Variants in WDR47 observed in about 807,000 individuals in gnomAD.
WDR47 encodes WD repeat domain 47.
WDR47 carries 32 observed loss-of-function variants against 97.2 expected under a neutral mutation model. That is an observed-to-expected ratio of 0.33 (90% CI 0.25 to 0.44). WDR47 has a LOEUF of 0.44. WDR47 is among the 20% of genes least tolerant of loss of function. The pLI is 1.00. For synonymous variants in WDR47, 375 were observed against 373.5 expected, an observed-to-expected ratio of 1.00 and a Z score of -0.05; for missense variants, 782 against 1,102.3, an observed-to-expected ratio of 0.71 and a Z score of 4.11.
Position 109,010,914 on chromosome 1 carries a change from A to C in WDR47, c.1130+2T>G. 1 of 1,603,282 alleles carries C rather than the reference A, an allele frequency of 6.2e-7. No homozygotes were observed. The highest frequency in any genetic ancestry group is 8.5e-7 in the Non-Finnish European group (1 of 1,173,092). ...TCCTAATTTTTATAACCAAATGCTT[A>C]CCGCTCAGGGGATTCTTCGTAAATA... is the stretch of plus-strand genomic sequence containing the variant. On this transcript the variant is annotated splice_donor_variant, in intron 5 of 14. Coordinates refer to ENST00000369962, the MANE Select transcript of WDR47 (RefSeq NM_001142551.2). LOFTEE classifies it high-confidence loss of function.
intron 4 of WDR47, among the ~76,000 whole-genome samples, chr1:109,012,572 C>CAAAAAAAAA (rs57237933): frequency 2.4e-4 from 18 of 73,816 alleles, no homozygotes; most frequent in African/African-American, 4.2e-4. Flanking sequence ...GACTCCATCT[C>CAAAAAAAAA]AAAAAAAAAA....
At chr1:109,032,430 C>G (rs1242322745) in intron 1 of WDR47, among the ~76,000 whole-genome samples, 1 of 134,098 alleles carries the variant, frequency 7.5e-6, no homozygotes, top group Non-Finnish European at 1.6e-5. Context: ...ATGGCATGAA[C>G]CCGGGAGGTG....
At chr1:109,019,339 C>T (rs1212640547) in intron 2 of WDR47, among the ~76,000 whole-genome samples, 2 of 147,928 alleles carry the variant, frequency 1.4e-5, no homozygotes, top group African/African-American at 2.5e-5. Flanking sequence ...GCCGAAGTCA[C>T]GCCACTGCAG....
chr1:108,983,168 ATTCT>A (rs1253026492), intron 11 of WDR47, 110 bp downstream of exon 11: 63 of 1,098,534 alleles, frequency 5.7e-5, no homozygotes, highest in Non-Finnish European at 7.1e-5. Context: ...TGAAAAAATT[ATTCT>A]TTAAGATTAT....
rs11397519 is a variant in WDR47, at chr1:108,973,882, C to CA, written c.2617+653dup. 5.1e-4 allele frequency among the ~76,000 whole-genome samples: 75 copies of CA among 148,166 alleles called. 1 individual carries two copies. Among genetic ancestry groups the CA allele is most frequent in the African/African-American group, 1.8e-3 (74 of 40,446 alleles). On this transcript the variant is annotated intron_variant, in intron 14 of 14. Coordinates refer to ENST00000369962, the MANE Select transcript of WDR47 (RefSeq NM_001142551.2). ...TGGGTGAAAGAGTGAGACCCTGCCT[C>CA]AAAAAAAAAAAATCAAAAACTAACA...
chr1:109,006,886 A>G (rs1414804505), intron 5 of WDR47, among the ~76,000 whole-genome samples: 1 of 152,126 alleles, frequency 6.6e-6, no homozygotes, highest in Non-Finnish European at 1.5e-5. Context: ...CTTGTTCACC[A>G]TAGCAGTTCA....
At chr1:109,029,602 G>A (rs971238669) in intron 1 of WDR47, among the ~76,000 whole-genome samples, 3 of 151,670 alleles carry the variant, frequency 2.0e-5, no homozygotes, top group Non-Finnish European at 4.4e-5. Flanking sequence ...AACCTGGGAG[G>A]CAGAGTTTGC....
In WDR47 at chr1:109,011,155, G is replaced by A; in HGVS notation, c.891C>T (p.Ser297=). Residue 297 remains serine, a synonymous_variant, in exon 5 of 15, where the codon TCC becomes TCT. Transcript: ENST00000369962. The stretch of plus-strand genomic sequence containing the variant: ...CAGCTGATTGAGGTCTTCTCATTGG[G>A]GATGATGGATAGGGAGAGAGTTTGC... ...LISKLSPYPS[S]PMRRPQSADA... is the part of the protein sequence containing the mutation. 1.2e-6 allele frequency: 2 copies of A among 1,614,116 alleles called. No individual in the cohort carries two copies. The highest frequency in any genetic ancestry group is 1.7e-6 in the Non-Finnish European group (2 of 1,180,018).
chr1:109,009,289 A>G (rs1429508494), intron 5 of WDR47, among the ~76,000 whole-genome samples: 2 of 152,128 alleles, frequency 1.3e-5, no homozygotes, highest in Non-Finnish European at 2.9e-5. Context: ...ATACATCCTC[A>G]TGGGTTTACT....
intron 5 of WDR47, among the ~76,000 whole-genome samples, chr1:109,004,934 G>A (rs1465521771): frequency 1.3e-5 from 2 of 152,052 alleles, no homozygotes; most frequent in African/African-American, 2.4e-5. Flanking sequence ...GGGATTACAA[G>A]TGCCTGCCAC....
At chr1:108,973,050 G>A (rs1345452061) in intron 14 of WDR47, among the ~76,000 whole-genome samples, 1 of 151,742 alleles carries the variant, frequency 6.6e-6, no homozygotes, top group African/African-American at 2.4e-5. Flanking sequence ...TTCCTGTAGT[G>A]TCATGAACGT....
At chr1:109,000,230 G>A (rs4971327) in intron 7 of WDR47, among the ~76,000 whole-genome samples, 6 of 151,816 alleles carry the variant, frequency 4.0e-5, no homozygotes, top group African/African-American at 1.2e-4. Context: ...AAACAAAAAG[G>A]GCAGGCGCAG....
intron 5 of WDR47, among the ~76,000 whole-genome samples, chr1:109,006,490 T>G (rs528686243): frequency 1.3e-5 from 2 of 152,324 alleles, no homozygotes; most frequent in African/African-American, 4.8e-5. Context: ...AAGAAGAATT[T>G]GTAAGAGCTA....
intron 2 of WDR47, among the ~76,000 whole-genome samples, chr1:109,022,297 A>T (rs988258081): frequency 6.6e-6 from 1 of 152,248 alleles, no homozygotes; most frequent in African/African-American, 2.4e-5. Context: ...TCTAAGAATG[A>T]AAACAGCAAG....
chr1:109,016,165 G>C (rs1477099214), intron 3 of WDR47, among the ~76,000 whole-genome samples: 1 of 152,076 alleles, frequency 6.6e-6, no homozygotes, highest in Non-Finnish European at 1.5e-5. Context: ...CACTTTGAGA[G>C]GCCAAGGCAA....
intron 9 of WDR47, among the ~76,000 whole-genome samples, chr1:108,990,701 GAT>G (rs1486562775): frequency 1.3e-5 from 2 of 151,924 alleles, no homozygotes; most frequent in African/African-American, 4.8e-5. Context: ...GGAAAAGTAA[GAT>G]AGAGTGAAGC....
chr1:109,008,180 T>C (rs1245392670), intron 5 of WDR47, among the ~76,000 whole-genome samples: 3 of 152,108 alleles, frequency 2.0e-5, no homozygotes, highest in East Asian at 3.9e-4. Context: ...TTCTCCTCTC[T>C]AAAGCACATG....
intron 5 of WDR47, among the ~76,000 whole-genome samples, chr1:109,009,818 T>C (rs1049553997): frequency 1.3e-5 from 2 of 151,924 alleles, no homozygotes; most frequent in Non-Finnish European, 2.9e-5. Flanking sequence ...GCCAACGTGG[T>C]AAAACCTCAT....
chr1:109,000,159 T>A (rs930399489), intron 7 of WDR47, among the ~76,000 whole-genome samples: 2 of 151,782 alleles, frequency 1.3e-5, no homozygotes, highest in Non-Finnish European at 2.9e-5. Context: ...TACAGTGAGC[T>A]ATGATCACAC....
Sources: allele counts gnomAD v4.1 joint callset (sites outside exome capture counted in the v4.1 genomes callset), GRCh38; gene constraint gnomAD v4.1.1; transcripts MANE v1.5; gene names NCBI Gene and HGNC (gene_info 2026-07-23, HGNC 2026-07-21).